MARK1: variants seen among roughly 807,000 people sequenced by gnomAD.
MARK1 encodes microtubule affinity regulating kinase 1, also known as serine/threonine-protein kinase MARK1.
A neutral mutation model predicts 96.3 loss-of-function variants in MARK1; 40 were observed. The ratio of observed to expected loss-of-function variants is 0.42; its 90% CI spans 0.32 to 0.54. The LOEUF (loss-of-function observed/expected upper bound fraction) is 0.54. MARK1 is among the 20% of genes least tolerant of loss of function. MARK1 has a pLI of 0.16. For missense variants in MARK1, 719 were observed against 984.6 expected (o/e 0.73, Z 3.61); for synonymous variants, 317 against 341.2 (o/e 0.93, Z 0.78).
chr1:220,536,567 T>C (rs1332502819), intron 1 of MARK1, among the ~76,000 whole-genome samples: 2 of 152,236 alleles, frequency 1.3e-5, no homozygotes, highest in African/African-American at 2.4e-5. Flanking sequence ...CTCTCTTTTT[T>C]TTTTTTGAGA....
chr1:220,651,242 A>G (rs944543932), intron 14 of MARK1, among the ~76,000 whole-genome samples: 3 of 152,186 alleles, frequency 2.0e-5, no homozygotes, highest in Non-Finnish European at 4.4e-5. Context: ...ATCATGAGTC[A>G]CAAGGACTAC....
intron 3 of MARK1, among the ~76,000 whole-genome samples, chr1:220,595,116 A>C (rs1320513029): frequency 3.3e-5 from 5 of 152,182 alleles, no homozygotes; most frequent in African/African-American, 1.2e-4. Context: ...GAGTATATGG[A>C]AACTGTTTGT....
At chr1:220,624,482 C>A (rs1324135847) in intron 9 of MARK1, among the ~76,000 whole-genome samples, 2 of 151,348 alleles carry the variant, frequency 1.3e-5, no homozygotes, top group Non-Finnish European at 2.9e-5. Flanking sequence ...CCTGTAATCC[C>A]AGCTACTCCA....
In MARK1 at chr1:220,528,885, G is replaced by A. The variant is rs1199480001; in HGVS notation, c.51+12G>A. ...GGGACACGGAAAATGTGAGTAACCG[G>A]AGCCTCCCTCGGGAGCAGTGGGGGC... On this transcript the variant is annotated intron_variant, in intron 1 of 17. Transcript: ENST00000366917. 1 of 1,563,824 alleles carries A rather than the reference G, an allele frequency of 6.4e-7. No homozygotes were observed.
intron 3 of MARK1, among the ~76,000 whole-genome samples, chr1:220,593,932 T>C (rs1367189505): frequency 6.6e-6 from 1 of 152,096 alleles, no homozygotes; most frequent in Non-Finnish European, 1.5e-5. Context: ...TCTGCTGACC[T>C]GAGGGCACGC....
At chr1:220,602,164 T>A (rs1488231367) in intron 5 of MARK1, among the ~76,000 whole-genome samples, 3 of 152,228 alleles carry the variant, frequency 2.0e-5, no homozygotes, top group African/African-American at 7.2e-5. Context: ...CAACTGCCTC[T>A]TTGCCAAGAG....
chr1:220,640,052 A>G (rs1668185151), intron 13 of MARK1, among the ~76,000 whole-genome samples: 3 of 152,218 alleles, frequency 2.0e-5, no homozygotes, highest in African/African-American at 4.8e-5. Flanking sequence ...TAAAGCCAAA[A>G]CACACAGCTT....
chr1:220,580,926 T>A (rs1664197826), intron 2 of MARK1, 139 bp from the exon 3 acceptor site: 3 of 356,338 alleles, frequency 8.4e-6, no homozygotes, highest in Non-Finnish European at 1.6e-5. Context: ...TATCAAAATG[T>A]TACTATCTGA....
chr1:220,557,779 T>C (rs1205158449), intron 1 of MARK1, among the ~76,000 whole-genome samples: 1 of 152,016 alleles, frequency 6.6e-6, no homozygotes, highest in Admixed American at 6.6e-5. Flanking sequence ...AAAAGAGCAA[T>C]TGCTTATTTT....
At chr1:220,656,109 T>C (rs967171801) in intron 16 of MARK1, among the ~76,000 whole-genome samples, 1 of 152,216 alleles carries the variant, frequency 6.6e-6, no homozygotes, top group Non-Finnish European at 1.5e-5. Flanking sequence ...TATTGCTATC[T>C]GTAGGTAATT....
intron 1 of MARK1, among the ~76,000 whole-genome samples, chr1:220,570,549 A>G (rs1558266068): frequency 6.6e-6 from 1 of 152,124 alleles, no homozygotes; most frequent in African/African-American, 2.4e-5. Context: ...GTACTACTCT[A>G]TGTTTTTAAA....
chr1:220,597,372 C>A (rs1208290653), intron 3 of MARK1, among the ~76,000 whole-genome samples: 1 of 152,056 alleles, frequency 6.6e-6, no homozygotes, highest in Non-Finnish European at 1.5e-5. Flanking sequence ...CACATCCCCG[C>A]CAACATTTGC....
intron 5 of MARK1, among the ~76,000 whole-genome samples, chr1:220,600,892 C>T (rs986521955): frequency 6.9e-6 from 1 of 144,256 alleles, no homozygotes; most frequent in African/African-American, 2.5e-5. Context: ...TTTTCTTTTT[C>T]TTTTTTTTTT....
In MARK1 at chr1:220,652,964, A is replaced by G. The variant is rs961880603; in HGVS notation, c.1737-137A>G. 6 of 924,736 alleles carry G rather than the reference A, an allele frequency of 6.5e-6. No homozygotes were observed. In the African/African-American group the frequency reaches 6.7e-5, roughly 10 times the overall value. 57.3% of individuals were successfully genotyped at this position (924,736 alleles called of 1,614,324 possible). On this transcript the variant is annotated intron_variant, in intron 15 of 17. Coordinates refer to ENST00000366917, the MANE Select transcript of MARK1 (RefSeq NM_018650.5). ...CAAACTGAAATTTTACTCCAAACCC[A>G]TGTCTCACATCTCTAATGTGAACAA...
intron 1 of MARK1, among the ~76,000 whole-genome samples, chr1:220,572,870 C>G (rs529596750): frequency 6.6e-6 from 1 of 152,146 alleles, no homozygotes; most frequent in Non-Finnish European, 1.5e-5. Flanking sequence ...TTTTGTTAAT[C>G]TAAAAATGTC....
At chr1:220,571,447 C>T (rs1232232734) in intron 1 of MARK1, among the ~76,000 whole-genome samples, 4 of 152,176 alleles carry the variant, frequency 2.6e-5, no homozygotes, top group Admixed American at 6.5e-5. Flanking sequence ...GCTGTTAAAA[C>T]ATTTTTGTCA....
At chr1:220,613,130 A>G (rs960914161) in intron 6 of MARK1, among the ~76,000 whole-genome samples, 1 of 152,228 alleles carries the variant, frequency 6.6e-6, no homozygotes, top group Non-Finnish European at 1.5e-5. Context: ...TATCCTATTT[A>G]TGGAAGTACA....
chr1:220,539,588 A>G (rs1343126911), intron 1 of MARK1, among the ~76,000 whole-genome samples: 3 of 152,120 alleles, frequency 2.0e-5, no homozygotes, highest in Non-Finnish European at 4.4e-5. Flanking sequence ...ATGAAAGGGT[A>G]CTGAATTGTG....
chr1:220,572,118 T>A (rs1010339469), intron 1 of MARK1: 2 of 152,216 alleles, frequency 1.3e-5, no homozygotes, highest in East Asian at 3.8e-4. Flanking sequence ...TGGAAAGAGC[T>A]TAAGGGAGCT....
Sources: gnomAD v4.1 joint callset for allele counts (sites outside exome capture counted in the v4.1 genomes callset) on GRCh38, gnomAD v4.1.1 for gene constraint, MANE v1.5 for transcripts, NCBI Gene and HGNC (gene_info 2026-07-23, HGNC 2026-07-21) for gene names.